Variants in CNNM1 observed in about 807,000 individuals in gnomAD.
CNNM1 encodes the protein metal transporter CNNM1.
CNNM1 carries 44 observed loss-of-function variants against 78.8 expected under a neutral mutation model. That is an observed-to-expected ratio of 0.56 (90% CI 0.44 to 0.72). The LOEUF is 0.72. CNNM1 is among the 30% of genes least tolerant of loss of function. The pLI is 0.00. For missense variants in CNNM1, 1,101 were observed against 1,292.2 expected (o/e 0.85, Z 2.27); for synonymous variants, 584 against 581.5 (o/e 1.00, Z -0.06).
Position 99,330,032 on chromosome 10 carries a change from CG to C in CNNM1, c.649del (p.Asp217ThrfsTer17). ...RVRPRLYGPG[G>X]DLLPPAWLRA... ...TTCGCCCGCGGTTGTACGGCCCAGG[CG>C]GGGACCTGCTGCCCCCTGCGTGGCT... On this transcript the variant is annotated frameshift_variant, in exon 1 of 11. Coordinates refer to ENST00000356713, the MANE Select transcript of CNNM1 (RefSeq NM_020348.3). LOFTEE classifies it high-confidence loss of function. 1 of 1,486,798 alleles carries C rather than the reference CG, an allele frequency of 6.7e-7. No homozygotes were observed. Among genetic ancestry groups the C allele is most frequent in the Non-Finnish European group, 8.9e-7 (1 of 1,129,832 alleles). The allele number at this position is 1,486,798 out of a possible 1,614,324, so 92.1% of individuals were successfully genotyped here. A position where few individuals can be genotyped will look rare whatever the true frequency, so the allele number is the denominator to read the frequency against.
chr10:99,362,196 G>T, intron 3 of CNNM1, 31 bp from the exon 4 acceptor site: 1 of 1,576,166 alleles, frequency 6.3e-7, no homozygotes, highest in Admixed American at 1.8e-5. Flanking sequence ...AGCTGATGCT[G>T]ATTCCTCCCT....
chr10:99,356,486 A>AAG (rs60050038), intron 1 of CNNM1, among the ~76,000 whole-genome samples: 146 of 137,082 alleles, frequency 1.1e-3, no homozygotes, highest in African/African-American at 3.1e-3. Context: ...GAAAGAAAGA[A>AAG]AGAGAGAGAG....
intron 1 of CNNM1, among the ~76,000 whole-genome samples, chr10:99,335,083 AG>A (rs1349564906): frequency 1.3e-5 from 2 of 152,234 alleles, no homozygotes; most frequent in African/African-American, 2.4e-5. Context: ...CAGGGTTCAA[AG>A]GTAGCCTTTT....
At chr10:99,340,908 G>GCCTGCCTGCCTA (rs1339928049) in intron 1 of CNNM1, among the ~76,000 whole-genome samples, 4 of 150,898 alleles carry the variant, frequency 2.7e-5, no homozygotes, top group African/African-American at 9.8e-5. Flanking sequence ...CTGCCTGCCT[G>GCCTGCCTGCCTA]CCTGTATTGA....
At chr10:99,367,810 A>G (rs964804144) in intron 6 of CNNM1, among the ~76,000 whole-genome samples, 4 of 152,170 alleles carry the variant, frequency 2.6e-5, no homozygotes, top group African/African-American at 9.7e-5. Context: ...TGATCAGATA[A>G]GAGAGATGAA....
At chr10:99,344,107 C>T (rs575138157) in intron 1 of CNNM1, among the ~76,000 whole-genome samples, 37 of 150,450 alleles carry the variant, frequency 2.5e-4, no homozygotes, top group South Asian at 8.5e-4. Flanking sequence ...CCAAAGTGGG[C>T]GGATCACCTG....
At chr10:99,356,592 G>GAA (rs753924928) in intron 1 of CNNM1, among the ~76,000 whole-genome samples, 2 of 124,220 alleles carry the variant, frequency 1.6e-5, no homozygotes, top group Admixed American at 7.8e-5. Context: ...AAGAAAGAAA[G>GAA]AAAGAAAGAA....
At chr10:99,348,637 T>C (rs925229227) in intron 1 of CNNM1, among the ~76,000 whole-genome samples, 2 of 152,228 alleles carry the variant, frequency 1.3e-5, no homozygotes, top group African/African-American at 2.4e-5. Context: ...TCATTTACTG[T>C]AGTGAAGACG....
chr10:99,354,978 A>G (rs754148600), intron 1 of CNNM1, among the ~76,000 whole-genome samples: 7 of 152,156 alleles, frequency 4.6e-5, no homozygotes, highest in Non-Finnish European at 8.8e-5. Context: ...TGGGGAAAAA[A>G]TTAGAGACCA....
At chr10:99,357,464 C>A in intron 1 of CNNM1, 48 bp from the exon 2 acceptor site, 1 of 1,570,982 alleles carries the variant, frequency 6.4e-7, no homozygotes, top group South Asian at 1.2e-5. Flanking sequence ...AAAAAAAGAT[C>A]TCTGAAAATG....
In CNNM1 at chr10:99,329,863, T is replaced by C; in HGVS notation, c.476T>C (p.Leu159Pro). The change falls in exon 1 of 11, where the codon CTG (leucine) becomes CCG (proline). Residue 159 changes from leucine to proline, a missense_variant. Around this residue, in one of 3 missense-constraint regions of CNNM1, gnomAD observed 476 missense variants for 484.5 expected, o/e 0.98. Transcript: ENST00000356713. ...LRPGGVAGSA[L>P]VQVRVRELRK... ...CCCGGGGGCGTGGCAGGCTCGGCCC[T>C]GGTCCAGGTGCGAGTGCGGGAGCTG... 1 of 1,399,708 alleles carries C rather than the reference T, an allele frequency of 7.1e-7. No individual in the cohort carries two copies. The highest frequency in any genetic ancestry group is 9.2e-7 in the Non-Finnish European group (1 of 1,084,498). The allele number at this position is 1,399,708 out of a possible 1,614,324, so 86.7% of individuals were successfully genotyped here.
At chr10:99,362,423 G>T (rs1393774149) in intron 4 of CNNM1, 27 bp downstream of exon 4, 1 of 1,601,656 alleles carries the variant, frequency 6.2e-7, no homozygotes, top group Non-Finnish European at 8.5e-7. Flanking sequence ...GGGAACCTCT[G>T]AGAGCCAGAG....
intron 4 of CNNM1, among the ~76,000 whole-genome samples, chr10:99,364,208 C>G (rs760676319): frequency 6.6e-6 from 1 of 152,112 alleles, no homozygotes; most frequent in African/African-American, 2.4e-5. Flanking sequence ...ATTTTATGAA[C>G]AACGAAGCAC....
At chr10:99,389,096 G>A (rs1316029055) in intron 9 of CNNM1, among the ~76,000 whole-genome samples, 1 of 152,082 alleles carries the variant, frequency 6.6e-6, no homozygotes, top group Non-Finnish European at 1.5e-5. Context: ...CAAGTCCAGA[G>A]CAACAACCTG....
At chr10:99,382,036 G>A (rs1212342976) in intron 7 of CNNM1, among the ~76,000 whole-genome samples, 1 of 152,092 alleles carries the variant, frequency 6.6e-6, no homozygotes, top group Non-Finnish European at 1.5e-5. Context: ...TTAACATGAG[G>A]GTTTTGGGGG....
chr10:99,370,000 GAT>G (rs2031748101), intron 6 of CNNM1, among the ~76,000 whole-genome samples: 1 of 152,166 alleles, frequency 6.6e-6, no homozygotes, highest in African/African-American at 2.4e-5. Context: ...TCAAAGCGAG[GAT>G]GTGTTTTCCT....
chr10:99,363,740 CTTT>C (rs869281521), intron 4 of CNNM1, among the ~76,000 whole-genome samples: 5 of 121,922 alleles, frequency 4.1e-5, no homozygotes, highest in Non-Finnish European at 1.7e-5. Context: ...TAGATTTTAT[CTTT>C]TTTTTTTTTT....
In CNNM1 at chr10:99,362,750, C is replaced by T. The variant is rs115109884; in HGVS notation, c.2028+354C>T. ...GAACATCCCCTGAAATGAAACTGCCCACTGCCTCCTAAACTTTAGACAACT... is the reference window on the plus strand; with the variant it reads ...GAACATCCCCTGAAATGAAACTGCCTACTGCCTCCTAAACTTTAGACAACT... On this transcript the variant is annotated intron_variant, in intron 4 of 10. Transcript: ENST00000356713. 3.0e-3 allele frequency among the ~76,000 whole-genome samples: 458 copies of T among 152,228 alleles called. 3 individuals carry two copies. The highest frequency in any genetic ancestry group is 0.01 in the African/African-American group (436 of 41,552).
chr10:99,336,330 G>T (rs1028864668), intron 1 of CNNM1, among the ~76,000 whole-genome samples: 7 of 152,162 alleles, frequency 4.6e-5, no homozygotes, highest in African/African-American at 1.7e-4. Flanking sequence ...TGCTCTACAG[G>T]TTTGTAGCCT....
Sources: allele counts gnomAD v4.1 joint callset (sites outside exome capture counted in the v4.1 genomes callset), GRCh38; gene constraint gnomAD v4.1.1; regional missense constraint gnomAD v4.1.1; transcripts MANE v1.5; gene names NCBI Gene and HGNC (gene_info 2026-07-23, HGNC 2026-07-21).